Variants in PPAT observed in about 807,000 individuals in gnomAD.
PPAT encodes phosphoribosyl pyrophosphate amidotransferase, also known as amidophosphoribosyltransferase.
In PPAT, 20 loss-of-function variants were observed where a neutral mutation model predicts 60.2. That is an observed-to-expected ratio of 0.33 (90% CI 0.23 to 0.48). The LOEUF is 0.48. Ranked by LOEUF, PPAT falls within the 20% of genes least tolerant of loss-of-function variation. PPAT has a pLI of 0.99. For missense variants in PPAT, 349 were observed against 629.6 expected, an observed-to-expected ratio of 0.55 and a Z score of 4.77; for synonymous variants, 194 against 215.1, an observed-to-expected ratio of 0.90 and a Z score of 0.86.
chr4:56,405,073 A>G (rs1370011810), intron 3 of PPAT, among the ~76,000 whole-genome samples: 1 of 151,824 alleles, frequency 6.6e-6, no homozygotes, highest in African/African-American at 2.4e-5. Flanking sequence ...GCTACTAGGA[A>G]TGAATATAAA....
chr4:56,405,364 A>G (rs1467856489), intron 3 of PPAT, among the ~76,000 whole-genome samples: 1 of 152,188 alleles, frequency 6.6e-6, no homozygotes, highest in Admixed American at 6.5e-5. Flanking sequence ...TTCCTGGTAC[A>G]CAGCTCCTAA....
rs79263919 is a variant in PPAT at position 56,433,288 on chromosome 4, A to C, written c.128+2062T>G. ...ATACATTTGTTCCTCAAAACCACAT[A>C]ATCACATCATTATTGCCCTTATCTG... On this transcript the variant is annotated intron_variant, in intron 1 of 10. Transcript: ENST00000264220. Among the ~76,000 whole-genome samples the C allele has an allele frequency of 3.0e-4, 46 of 151,932 alleles. 2 individuals carry two copies. In the East Asian group the frequency reaches 4.2e-3, roughly 14 times the overall value.
chr4:56,398,763 T>C (rs913581452), intron 9 of PPAT, among the ~76,000 whole-genome samples: 7 of 152,182 alleles, frequency 4.6e-5, no homozygotes, highest in Non-Finnish European at 1.0e-4. Flanking sequence ...TTTGTGTAGT[T>C]AGTCTTTGAA....
rs536276679 is a variant in PPAT at position 56,422,833 on chromosome 4, A to C, written c.128+12517T>G. ...ATAATTAATGGAAGCAATGTTCCCC[A>C]TCGCTGTTTTTCTCCAAGTGTAGCA... On this transcript the variant is annotated intron_variant, in intron 1 of 10. Transcript: ENST00000264220. 4 of 152,344 alleles carry C rather than the reference A, an allele frequency of 2.6e-5. No homozygotes were observed. The East Asian group carries it at 7.7e-4, about 29-fold the overall frequency. The allele number at this position is 152,344 out of a possible 1,614,324, so 9.4% of individuals were successfully genotyped here.
At chr4:56,404,006 T>C (rs1350206791) in intron 3 of PPAT, 3 of 445,092 alleles carry the variant, frequency 6.7e-6, no homozygotes, top group Middle Eastern at 4.5e-4. Context: ...TGTGGCCTGG[T>C]TCCTAACAAG....
intron 1 of PPAT, among the ~76,000 whole-genome samples, chr4:56,408,930 ATGT>A (rs1716330223): frequency 2.0e-5 from 3 of 152,152 alleles, no homozygotes; most frequent in African/African-American, 7.2e-5. Context: ...TGTATAAAAA[ATGT>A]TGTGATTCTG....
At chr4:56,414,171 C>T (rs1257232195) in intron 1 of PPAT, 1 of 152,186 alleles carries the variant, frequency 6.6e-6, no homozygotes, top group African/African-American at 2.4e-5. Context: ...GGAAGCCCTC[C>T]TTGCACCAGG....
chr4:56,408,428 C>A (rs1716301817), intron 1 of PPAT: 1 of 109,840 alleles, frequency 9.1e-6, no homozygotes. Context: ...AGCGGAGACT[C>A]CGTCTCAAAA....
At chr4:56,415,235 A>G (rs1000774872) in intron 1 of PPAT, among the ~76,000 whole-genome samples, 4 of 152,214 alleles carry the variant, frequency 2.6e-5, no homozygotes, top group African/African-American at 4.8e-5. Flanking sequence ...ACATTTGGCA[A>G]TGAAATGATT....
chr4:56,410,510 T>G lies in PPAT; in HGVS notation c.129-2794A>C, dbSNP rs144780805. The G allele has an allele frequency of 1.2e-4, 122 of 986,136 alleles. No homozygotes were observed. In the African/African-American group the frequency reaches 2.0e-3, roughly 16 times the overall value. 61.1% of individuals were successfully genotyped at this position (986,136 alleles called of 1,614,324 possible). A position where few individuals can be genotyped will look rare whatever the true frequency, so the allele number is the denominator to read the frequency against. On this transcript the variant is annotated intron_variant, in intron 1 of 10. Coordinates refer to ENST00000264220, the MANE Select transcript of PPAT (RefSeq NM_002703.5). Reference sequence around the variant, plus strand: ...AATAGTGAATCATTTCCAGGTCACTTTCAACATGGAGAGTGGAGCAGGAAA... The same window carrying G: ...AATAGTGAATCATTTCCAGGTCACTGTCAACATGGAGAGTGGAGCAGGAAA...
intron 1 of PPAT, among the ~76,000 whole-genome samples, chr4:56,424,935 G>A (rs748209978): frequency 7.9e-5 from 12 of 152,170 alleles, no homozygotes; most frequent in Non-Finnish European, 8.8e-5. Flanking sequence ...ACTTAAATAA[G>A]CATAGAAGTT....
At chr4:56,402,310 C>T in intron 5 of PPAT, 129 bp from the exon 6 acceptor site, 1 of 528,370 alleles carries the variant, frequency 1.9e-6, no homozygotes, top group Middle Eastern at 3.6e-4. Flanking sequence ...ACTTTAAGAG[C>T]ACATGGATCC....
Position 56,396,855 on chromosome 4 carries a change from A to G in PPAT, c.1237-116T>C, listed in dbSNP as rs1476871260. On this transcript the variant is annotated intron_variant, in intron 9 of 10. Coordinates refer to ENST00000264220, the MANE Select transcript of PPAT (RefSeq NM_002703.5). This position sits in a 1 kb window ranked among gnomAD's most constrained non-coding sequence, Gnocchi z 4.6. ...TTCAGTAACAACATATGGGTAATAAATTATTCTTTCTACAAAGCTGCTTCT... is the reference window on the plus strand; with the variant it reads ...TTCAGTAACAACATATGGGTAATAAGTTATTCTTTCTACAAAGCTGCTTCT... 2.0e-6 allele frequency: 2 copies of G among 1,013,936 alleles called. No individual in the cohort carries two copies. Among genetic ancestry groups the G allele is most frequent in the South Asian group, 2.3e-5 (1 of 43,414 alleles). The allele number at this position is 1,013,936 out of a possible 1,614,324, so 62.8% of individuals were successfully genotyped here. A position where few individuals can be genotyped will look rare whatever the true frequency, so the allele number is the denominator to read the frequency against.
chr4:56,423,453 T>A (rs1717141159), intron 1 of PPAT: 1 of 151,896 alleles, frequency 6.6e-6, no homozygotes, highest in African/African-American at 2.4e-5. Flanking sequence ...CAAGAACCCA[T>A]CTCTAAAAAT....
rs202019119 is a variant in PPAT at position 56,399,413 on chromosome 4, A to G, written c.1015-13T>C. The G allele has an allele frequency of 1.1e-4, 171 of 1,591,632 alleles. No individual in the cohort carries two copies. In the African/African-American group the frequency reaches 2.0e-3, roughly 19 times the overall value. Reference sequence around the variant, plus strand: ...ATGGAAGTCCACACTGATAGAGAAGAAATGAAAGGATAATGAGGAGTAATA... The same window carrying G: ...ATGGAAGTCCACACTGATAGAGAAGGAATGAAAGGATAATGAGGAGTAATA... On this transcript the variant is annotated splice_polypyrimidine_tract_variant and intron_variant, in intron 8 of 10. Coordinates refer to ENST00000264220, the MANE Select transcript of PPAT (RefSeq NM_002703.5).
At chr4:56,397,770 G>A (rs185690700) in intron 9 of PPAT, among the ~76,000 whole-genome samples, 1 of 152,106 alleles carries the variant, frequency 6.6e-6, no homozygotes, top group African/African-American at 2.4e-5. Context: ...GGCCGGGTAT[G>A]GTGGCTCACA....
chr4:56,427,439 C>A, intron 1 of PPAT, among the ~76,000 whole-genome samples: 1 of 152,114 alleles, frequency 6.6e-6, no homozygotes. Flanking sequence ...TCCACCATGA[C>A]TTCACCATTT....
chr4:56,421,999 TG>T (rs1476293509), intron 1 of PPAT: 1 of 152,188 alleles, frequency 6.6e-6, no homozygotes, highest in Non-Finnish European at 1.5e-5. Context: ...GGCCAGGCGT[TG>T]TGGCTCATGC....
At chr4:56,413,785 T>C (rs1470160889) in intron 1 of PPAT, among the ~76,000 whole-genome samples, 6 of 151,970 alleles carry the variant, frequency 3.9e-5, no homozygotes, top group Non-Finnish European at 8.8e-5. Flanking sequence ...TAATCCCAGC[T>C]ACTTGGGAGG....
Sources: allele counts gnomAD v4.1 joint callset (sites outside exome capture counted in the v4.1 genomes callset), GRCh38; gene constraint gnomAD v4.1.1; non-coding constraint Gnocchi (gnomAD v3.1); transcripts MANE v1.5; gene names NCBI Gene and HGNC (gene_info 2026-07-23, HGNC 2026-07-21).